Variants in SPTBN1 observed in about 807,000 individuals in gnomAD.
SPTBN1 encodes the protein spectrin beta, non-erythrocytic 1, also known as spectrin beta chain, non-erythrocytic 1.
In SPTBN1, 32 loss-of-function variants were observed where a neutral mutation model predicts 266.4. The observed-to-expected ratio is 0.12, with a 90% CI of 0.09 to 0.16. The LOEUF (loss-of-function observed/expected upper bound fraction) is 0.16. Among genes scored for constraint, SPTBN1 ranks in the 10% least tolerant of loss-of-function variants. The probability of loss-of-function intolerance (pLI) is 1.00; values close to 1 mark genes in which losing one functional copy is unlikely to be tolerated. For missense variants in SPTBN1, 2,296 were observed against 3,067.1 expected (o/e 0.75, Z 5.94); for synonymous variants, 1,336 against 1,162.2 (o/e 1.15, Z -3.04).
At chr2:54,572,626 C>T (rs1179716018) in intron 2 of SPTBN1, among the ~76,000 whole-genome samples, 1 of 152,230 alleles carries the variant, frequency 6.6e-6, no homozygotes. Flanking sequence ...CCCTTTGTGC[C>T]TCCCAATCTC....
At chr2:54,570,242 C>G (rs887990761) in intron 2 of SPTBN1, among the ~76,000 whole-genome samples, 2 of 152,172 alleles carry the variant, frequency 1.3e-5, no homozygotes, top group South Asian at 2.1e-4. Context: ...TAGCCTTTCT[C>G]TCTCCCCCAA....
chr2:54,581,525 G>A (rs1674903678), intron 2 of SPTBN1, among the ~76,000 whole-genome samples: 1 of 149,518 alleles, frequency 6.7e-6, no homozygotes, highest in East Asian at 2.0e-4. Context: ...AGGCAGGCAA[G>A]CCGACCCTTG....
rs1396955955 is a variant in SPTBN1, at chr2:54,646,063, C to G, written c.4584+46C>G. ...TAGTTCTGTCTGATAAATAATTGCTCTAAATTATGAGACTGGGAATGGCAG... is the reference window on the plus strand; with the variant it reads ...TAGTTCTGTCTGATAAATAATTGCTGTAAATTATGAGACTGGGAATGGCAG... On this transcript the variant is annotated intron_variant, in intron 22 of 35. Coordinates refer to ENST00000356805, the MANE Select transcript of SPTBN1 (RefSeq NM_003128.3). This position sits in a 1 kb window ranked among gnomAD's most constrained non-coding sequence, Gnocchi z 4.4. 1.9e-6 allele frequency: 3 copies of G among 1,612,660 alleles called. No homozygotes were observed. Among genetic ancestry groups the G allele is most frequent in the Non-Finnish European group, 2.5e-6 (3 of 1,178,864 alleles).
chr2:54,622,545 C>T, intron 9 of SPTBN1, 58 bp downstream of exon 9: 1 of 1,568,850 alleles, frequency 6.4e-7, no homozygotes, highest in South Asian at 1.2e-5. Flanking sequence ...CTGTAGCCAA[C>T]AGATCCCTAT....
intron 8 of SPTBN1, among the ~76,000 whole-genome samples, 194 bp downstream of exon 8, chr2:54,621,706 A>G (rs1193648903): frequency 1.3e-5 from 2 of 152,204 alleles, no homozygotes; most frequent in Non-Finnish European, 2.9e-5. Context: ...TTAGGAAAGG[A>G]TCTGGGGGCT....
rs768371303 is a variant in SPTBN1, at chr2:54,466,561, C to CAA, written c.-48+10088_-48+10089dup. ...TGGGCGACAGAGCGAGACTCCGTCT[C>CAA]AAAAAAAAAAAAAAAAAAAAAAAAA... On this transcript the variant is annotated intron_variant, in intron 1 of 35. Coordinates refer to ENST00000356805, the MANE Select transcript of SPTBN1 (RefSeq NM_003128.3). Among the ~76,000 whole-genome samples the CAA allele has an allele frequency of 4.0e-4, 2 of 4,988 alleles. 1 individual carries two copies. The highest frequency in any genetic ancestry group is 5.3e-4 in the Non-Finnish European group (2 of 3,778). The allele number at this position is 4,988 out of a possible 152,430, so 3.3% of individuals were successfully genotyped here.
Position 54,655,217 on chromosome 2 carries a change from C to T in SPTBN1, c.5961+9C>T. ...ACTATGCATCTGAGGAGGTAGGTTG[C>T]TACTTTGCTTTGGAGCTGCAGCTGG... On this transcript the variant is annotated intron_variant, in intron 28 of 35. Transcript: ENST00000356805. The T allele has an allele frequency of 6.2e-7, 1 of 1,610,416 alleles. No individual in the cohort carries two copies. Among genetic ancestry groups the T allele is most frequent in the Admixed American group, 1.7e-5 (1 of 59,106 alleles).
At chr2:54,667,757 T>C in intron 35 of SPTBN1, 111 bp downstream of exon 35, 2 of 970,220 alleles carry the variant, frequency 2.1e-6, no homozygotes, top group Non-Finnish European at 3.2e-6. Flanking sequence ...AGTGATGGTT[T>C]CTATCACTGG....
rs530101015 is a variant in SPTBN1, at chr2:54,514,362, C to T, written c.-47-12010C>T. 3.3e-5 allele frequency among the ~76,000 whole-genome samples: 5 copies of T among 152,200 alleles called. No homozygotes were observed. The South Asian group carries it at 1.0e-3, about 32-fold the overall frequency. Reference sequence around the variant, plus strand: ...TCCATTATAGTAAGGGTGAATTTTGCTCCTTCAAAGAGTATAGAGCCTGGT... The same window carrying T: ...TCCATTATAGTAAGGGTGAATTTTGTTCCTTCAAAGAGTATAGAGCCTGGT... On this transcript the variant is annotated intron_variant, in intron 1 of 35. Coordinates refer to ENST00000356805, the MANE Select transcript of SPTBN1 (RefSeq NM_003128.3).
At position 54,558,175 on chromosome 2, in the gene SPTBN1, G is replaced by A. The variant is rs1456963949; in HGVS notation, c.148+31609G>A. On this transcript the variant is annotated intron_variant, in intron 2 of 35. Transcript: ENST00000356805. The surrounding 1 kb of genome is among the most constrained non-coding windows in gnomAD (Gnocchi z 4.6). ...ACCGCGGCGAGTCCAGGGCCCGGCC[G>A]GGGGTCGGCGGCTGCCGGGCGGCTG... 1.0e-6 allele frequency: 1 copy of A among 985,282 alleles called. No homozygotes were observed. The highest frequency in any genetic ancestry group is 6.1e-5 in the Admixed American group (1 of 16,264). The allele number at this position is 985,282 out of a possible 1,614,324, so 61.0% of individuals were successfully genotyped here.
At position 54,659,233 on chromosome 2, in the gene SPTBN1, A is replaced by C. The variant is rs765254581; in HGVS notation, c.6323A>C (p.Lys2108Thr). The change falls in exon 31 of 36, where the codon AAG becomes ACG. Residue 2108 changes from lysine (K) to threonine (T), a missense_variant. Physicochemically the swap from Lys to Thr is moderately conservative, Grantham distance 78. Around this residue, in one of 12 missense-constraint regions of SPTBN1, gnomAD observed 347 missense variants for 368.5 expected, o/e 0.94. Transcript: ENST00000356805. The stretch of plus-strand genomic sequence containing the variant: ...CCGCCTTCTCCCGAGCCGAGCACGA[A>C]GGTTTCAGAGGAAGCCGAGTCCCAG... ...RRPPSPEPST[K>T]VSEEAESQQQ... The C allele has an allele frequency of 6.2e-7, 1 of 1,614,074 alleles. No homozygotes were observed.
chr2:54,457,627 G>A (rs1361051337), intron 1 of SPTBN1, among the ~76,000 whole-genome samples: 1 of 152,196 alleles, frequency 6.6e-6, no homozygotes, highest in Admixed American at 6.5e-5. Context: ...GCACAATGCA[G>A]CAGTATCGCA....
In SPTBN1 at chr2:54,558,778, A is replaced by G; in HGVS notation, c.148+32212A>G. 6.2e-7 allele frequency: 1 copy of G among 1,612,390 alleles called. No individual in the cohort carries two copies. Among genetic ancestry groups the G allele is most frequent in the South Asian group, 1.1e-5 (1 of 90,932 alleles). The stretch of plus-strand genomic sequence containing the variant: ...TCCTCCGGGGCGTTACGCCGGGCAT[A>G]ATGGAATTGCAGAGGACGTCTAGTA... On this transcript the variant is annotated intron_variant, in intron 2 of 35. Transcript: ENST00000356805. The surrounding 1 kb of genome is among the most constrained non-coding windows in gnomAD (Gnocchi z 4.6).
chr2:54,474,038 T>C (rs1235233686), intron 1 of SPTBN1, among the ~76,000 whole-genome samples: 1 of 152,234 alleles, frequency 6.6e-6, no homozygotes, highest in Non-Finnish European at 1.5e-5. Flanking sequence ...TGGAGTCTGC[T>C]GCAGATGGCA....
At chr2:54,605,907 C>A (rs912742188) in intron 3 of SPTBN1, among the ~76,000 whole-genome samples, 1 of 152,194 alleles carries the variant, frequency 6.6e-6, no homozygotes, top group African/African-American at 2.4e-5. Context: ...CACAGCCAGT[C>A]GCCATCAGCA....
chr2:54,658,073 G>A (rs767793374), intron 30 of SPTBN1, 27 bp downstream of exon 30: 3 of 1,613,472 alleles, frequency 1.9e-6, no homozygotes, highest in East Asian at 2.2e-5. Context: ...CCCTTTGTCT[G>A]TTGGTGCCCT....
intron 16 of SPTBN1, 95 bp downstream of exon 16, chr2:54,631,706 C>A: frequency 6.9e-7 from 1 of 1,448,402 alleles, no homozygotes; most frequent in Non-Finnish European, 9.3e-7. Flanking sequence ...TAAACCACAC[C>A]TGTATGGAAT....
At chr2:54,667,274 TCA>T (rs1472785797) in intron 34 of SPTBN1, among the ~76,000 whole-genome samples, 1 of 152,226 alleles carries the variant, frequency 6.6e-6, no homozygotes, top group Non-Finnish European at 1.5e-5. Flanking sequence ...TCTCCTGAAC[TCA>T]GTTTAGACCA....
chr2:54,558,252 T>TC lies in SPTBN1; in HGVS notation c.148+31691dup, dbSNP rs929578013. 5 of 984,662 alleles carry TC rather than the reference T, an allele frequency of 5.1e-6. No individual in the cohort carries two copies. The African/African-American group carries it at 8.8e-5, about 17-fold the overall frequency. 61.0% of individuals were successfully genotyped at this position (984,662 alleles called of 1,614,324 possible). ...GTAGGGGGTCGCGGGCCGGCTAGGC[T>TC]CCCCCGCGCCCCTCCTCGTGGTATA... On this transcript the variant is annotated intron_variant, in intron 2 of 35. Coordinates refer to ENST00000356805, the MANE Select transcript of SPTBN1 (RefSeq NM_003128.3). The surrounding 1 kb of genome is among the most constrained non-coding windows in gnomAD (Gnocchi z 4.6).
Sources: gnomAD v4.1 joint callset for allele counts (sites outside exome capture counted in the v4.1 genomes callset) on GRCh38, gnomAD v4.1.1 for gene constraint, gnomAD v4.1.1 regional missense constraint, Gnocchi (gnomAD v3.1) non-coding constraint, MANE v1.5 for transcripts, NCBI Gene and HGNC (gene_info 2026-07-23, HGNC 2026-07-21) for gene names.